SLC4A4: variants seen among roughly 807,000 people sequenced by gnomAD.
SLC4A4 encodes the protein solute carrier family 4 member 4, also known as electrogenic sodium bicarbonate cotransporter 1.
SLC4A4 carries 27 observed loss-of-function variants against 111.5 expected under a neutral mutation model. That is an observed-to-expected ratio of 0.24 (90% CI 0.18 to 0.33). The LOEUF (loss-of-function observed/expected upper bound fraction) is 0.33. SLC4A4 is among the 10% of genes least tolerant of loss of function. SLC4A4 has a pLI of 1.00. For synonymous variants in SLC4A4, 443 were observed against 463.4 expected (o/e 0.96, Z 0.57); for missense variants, 909 against 1,315.5 (o/e 0.69, Z 4.78).
intron 2 of SLC4A4, among the ~76,000 whole-genome samples, chr4:71,181,485 G>C (rs563351163): frequency 5.3e-5 from 8 of 152,150 alleles, no homozygotes; most frequent in Non-Finnish European, 1.0e-4. Context: ...TTCACGAGAT[G>C]CTTTATGCAC....
chr4:71,199,543 G>T (rs1746154722), intron 1 of SLC4A4, among the ~76,000 whole-genome samples: 1 of 152,182 alleles, frequency 6.6e-6, no homozygotes, highest in South Asian at 2.1e-4. Context: ...AAATTAAAGA[G>T]CCTGGAAAGT....
intron 13 of SLC4A4, among the ~76,000 whole-genome samples, chr4:71,468,721 A>G (rs1206124562): frequency 9.0e-6 from 1 of 110,786 alleles, no homozygotes; most frequent in Non-Finnish European, 1.9e-5. Context: ...TACTAGACTC[A>G]TTCCATGCTC....
chr4:71,210,695 G>T (rs1718082308), intron 1 of SLC4A4, among the ~76,000 whole-genome samples: 1 of 152,198 alleles, frequency 6.6e-6, no homozygotes, highest in African/African-American at 2.4e-5. Context: ...ATGATCAGAA[G>T]AATCTCTTTT....
chr4:71,356,424 A>G (rs973442153), intron 5 of SLC4A4, among the ~76,000 whole-genome samples: 5 of 152,244 alleles, frequency 3.3e-5, no homozygotes, highest in African/African-American at 1.2e-4. Flanking sequence ...AACAATAAGA[A>G]TAAGCCTCCT....
intron 16 of SLC4A4, among the ~76,000 whole-genome samples, chr4:71,530,718 T>C (rs1205620082): frequency 6.6e-6 from 1 of 152,142 alleles, no homozygotes; most frequent in Non-Finnish European, 1.5e-5. Flanking sequence ...AGGTCAAGCA[T>C]TGAACACTAG....
intron 3 of SLC4A4, among the ~76,000 whole-genome samples, chr4:71,277,092 T>C (rs1723125702): frequency 6.6e-6 from 1 of 152,068 alleles, no homozygotes; most frequent in African/African-American, 2.4e-5. Flanking sequence ...CAAATAAAGC[T>C]GCTATGAACA....
At chr4:71,376,156 T>C (rs146715562) in intron 6 of SLC4A4, among the ~76,000 whole-genome samples, 4,293 of 135,552 alleles carry the variant, frequency 0.032, 95 homozygotes, top group South Asian at 0.086. Flanking sequence ...CCTGTATATA[T>C]ACACACACAC....
intron 1 of SLC4A4, among the ~76,000 whole-genome samples, chr4:71,233,628 C>T (rs1719593906): frequency 6.6e-6 from 1 of 152,082 alleles, no homozygotes; most frequent in Non-Finnish European, 1.5e-5. Flanking sequence ...ATCTCTAATC[C>T]TGAGCCTCTG....
intron 16 of SLC4A4, among the ~76,000 whole-genome samples, chr4:71,517,543 C>A (rs922922665): frequency 2.0e-5 from 3 of 151,978 alleles, no homozygotes; most frequent in Admixed American, 1.3e-4. Flanking sequence ...AGCATCCTGT[C>A]TTTTTAGAAA....
intron 3 of SLC4A4, among the ~76,000 whole-genome samples, chr4:71,259,961 A>G (rs970868023): frequency 1.3e-5 from 2 of 152,196 alleles, no homozygotes; most frequent in Non-Finnish European, 2.9e-5. Flanking sequence ...TGGAGGTGCT[A>G]ACTGCCTCTC....
intron 2 of SLC4A4, among the ~76,000 whole-genome samples, chr4:71,114,930 C>G (rs2148953467): frequency 8.2e-6 from 1 of 122,536 alleles, no homozygotes; most frequent in South Asian, 3.1e-4. Context: ...AGACTTGGAA[C>G]CAACCCAAAT....
chr4:71,472,659 A>C, intron 13 of SLC4A4, 40 bp from the exon 14 acceptor site: 1 of 1,596,244 alleles, frequency 6.3e-7, no homozygotes, highest in South Asian at 1.1e-5. Context: ...TTTGTGTTCC[A>C]AGGAGGAGGA....
At chr4:71,144,654 G>A (rs1232351552) in intron 2 of SLC4A4, among the ~76,000 whole-genome samples, 2 of 151,284 alleles carry the variant, frequency 1.3e-5, no homozygotes, top group African/African-American at 4.9e-5. Flanking sequence ...CCTTGAAGAG[G>A]TCCTTCACAT....
At chr4:71,232,675 G>T (rs958699556) in intron 1 of SLC4A4, among the ~76,000 whole-genome samples, 2 of 152,160 alleles carry the variant, frequency 1.3e-5, no homozygotes, top group African/African-American at 4.8e-5. Context: ...GCCTCCCAAA[G>T]CATTGAGATT....
chr4:71,125,138 T>C (rs895029987), intron 2 of SLC4A4, among the ~76,000 whole-genome samples: 2 of 152,194 alleles, frequency 1.3e-5, no homozygotes, highest in African/African-American at 4.8e-5. Context: ...ACTTATTATT[T>C]GATTTATGTA....
At chr4:71,157,111 A>G (rs1048220004) in intron 2 of SLC4A4, among the ~76,000 whole-genome samples, 2 of 152,146 alleles carry the variant, frequency 1.3e-5, no homozygotes, top group Non-Finnish European at 2.9e-5. Context: ...CACCACTCCA[A>G]CCTGCAATTA....
At position 71,375,958 on chromosome 4, in the gene SLC4A4, C is replaced by T. The variant is rs556644351; in HGVS notation, c.730+18771C>T. On this transcript the variant is annotated intron_variant, in intron 6 of 25. Coordinates refer to ENST00000264485, the MANE Select transcript of SLC4A4 (RefSeq NM_001098484.3). ...TTCTCAAAGTAGGAACTGAAGAGCC[C>T]TAAGTGTCCCTGAGACCCTTTCAAA... Among the ~76,000 whole-genome samples the T allele has an allele frequency of 4.6e-5, 7 of 151,472 alleles. No individual in the cohort carries two copies. The South Asian group carries it at 1.5e-3, about 32-fold the overall frequency.
At chr4:71,300,899 G>T (rs757757117) in intron 3 of SLC4A4, 2 of 517,430 alleles carry the variant, frequency 3.9e-6, no homozygotes, top group East Asian at 1.1e-4. Context: ...CGTGGTAGGT[G>T]CTGGGGTCCA....
At chr4:71,420,647 C>T (rs1722359878) in intron 7 of SLC4A4, among the ~76,000 whole-genome samples, 1 of 152,142 alleles carries the variant, frequency 6.6e-6, no homozygotes, top group South Asian at 2.1e-4. Context: ...TCATCAGAAA[C>T]CCTACAAGCC....
Sources: allele counts gnomAD v4.1 joint callset (sites outside exome capture counted in the v4.1 genomes callset), GRCh38; gene constraint gnomAD v4.1.1; transcripts MANE v1.5; gene names NCBI Gene and HGNC (gene_info 2026-07-23, HGNC 2026-07-21).